SIPA1L1: variants seen among roughly 807,000 people sequenced by gnomAD.
SIPA1L1 encodes signal-induced proliferation-associated 1-like protein 1.
A neutral mutation model predicts 162.7 loss-of-function variants in SIPA1L1; 26 were observed. The observed-to-expected ratio is 0.16, with a 90% CI of 0.12 to 0.22. The LOEUF (loss-of-function observed/expected upper bound fraction) is 0.22. SIPA1L1 is among the 10% of genes least tolerant of loss of function. The pLI is 1.00. For missense variants in SIPA1L1, 1,874 were observed against 2,241.0 expected, an observed-to-expected ratio of 0.84 and a Z score of 3.31; for synonymous variants, 829 against 837.4, an observed-to-expected ratio of 0.99 and a Z score of 0.17.
intron 2 of SIPA1L1, among the ~76,000 whole-genome samples, chr14:71,385,498 C>G (rs986606604): frequency 1.3e-5 from 2 of 152,110 alleles, no homozygotes; most frequent in Non-Finnish European, 2.9e-5. Context: ...TTGAATAGCT[C>G]TATCCAATAG....
intron 2 of SIPA1L1, among the ~76,000 whole-genome samples, chr14:71,366,682 C>A (rs1418289167): frequency 6.6e-6 from 1 of 151,924 alleles, no homozygotes; most frequent in South Asian, 2.1e-4. Context: ...GTGATCCACC[C>A]GCCTCGGCCT....
chr14:71,637,692 C>G (rs751918970), intron 7 of SIPA1L1, among the ~76,000 whole-genome samples: 4 of 151,696 alleles, frequency 2.6e-5, no homozygotes, highest in African/African-American at 4.8e-5. Context: ...CCACTGTACT[C>G]CAGCCTGGTT....
At chr14:71,647,973 T>G (rs2042314627) in intron 7 of SIPA1L1, among the ~76,000 whole-genome samples, 1 of 151,970 alleles carries the variant, frequency 6.6e-6, no homozygotes, top group Non-Finnish European at 1.5e-5. Context: ...AAGGTAGCAG[T>G]AGGTCAGATT....
intron 2 of SIPA1L1, among the ~76,000 whole-genome samples, chr14:71,385,970 G>C (rs2040288915): frequency 6.6e-6 from 1 of 152,172 alleles, no homozygotes; most frequent in East Asian, 1.9e-4. Flanking sequence ...ACAAGCGTGT[G>C]CCATCGCACC....
At chr14:71,615,513 A>G (rs1028082930) in intron 5 of SIPA1L1, among the ~76,000 whole-genome samples, 1 of 152,208 alleles carries the variant, frequency 6.6e-6, no homozygotes, top group Non-Finnish European at 1.5e-5. Context: ...GTCGGATGAG[A>G]AAAGATGGAT....
At chr14:71,512,370 C>T (rs1036885356) in intron 2 of SIPA1L1, among the ~76,000 whole-genome samples, 1 of 151,910 alleles carries the variant, frequency 6.6e-6, no homozygotes, top group East Asian at 1.9e-4. Context: ...TGTTCTTTCA[C>T]GAGGTCAGGA....
At position 71,572,540 on chromosome 14, in the gene SIPA1L1, A is replaced by G. The variant is rs932770758; in HGVS notation, c.-302-15031A>G. On this transcript the variant is annotated intron_variant, in intron 4 of 23. Transcript: ENST00000381232. The stretch of plus-strand genomic sequence containing the variant: ...GGGAGACGTGGGATCCATCCAGGAG[A>G]GAAAGAAAGGAACTGTCAGGATGGT... 7.2e-5 allele frequency among the ~76,000 whole-genome samples: 11 copies of G among 152,184 alleles called. No individual in the cohort carries two copies. The East Asian group carries it at 1.9e-3, about 27-fold the overall frequency.
At chr14:71,562,934 C>T (rs571530456) in intron 4 of SIPA1L1, among the ~76,000 whole-genome samples, 1 of 152,154 alleles carries the variant, frequency 6.6e-6, no homozygotes, top group Admixed American at 6.5e-5. Context: ...GGATTACAGG[C>T]GTGGCCCCCT....
At chr14:71,489,722 A>G (rs966315477) in intron 2 of SIPA1L1, among the ~76,000 whole-genome samples, 2 of 151,964 alleles carry the variant, frequency 1.3e-5, no homozygotes, top group African/African-American at 4.8e-5. Flanking sequence ...AAAGAAAAAA[A>G]GAAAAATTGC....
intron 6 of SIPA1L1, among the ~76,000 whole-genome samples, chr14:71,620,620 C>T (rs2039331470): frequency 6.6e-6 from 1 of 152,090 alleles, no homozygotes; most frequent in African/African-American, 2.4e-5. Context: ...CATGAGCTTC[C>T]CTTCTCAGCA....
At chr14:71,707,999 A>T in intron 16 of SIPA1L1, among the ~76,000 whole-genome samples, 1 of 136,998 alleles carries the variant, frequency 7.3e-6, no homozygotes, top group African/African-American at 2.7e-5. Flanking sequence ...TGCTTGTTGG[A>T]CATTTGTTTT....
chr14:71,672,849 A>G (rs1038318320), intron 12 of SIPA1L1, among the ~76,000 whole-genome samples: 21 of 152,220 alleles, frequency 1.4e-4, no homozygotes, highest in Non-Finnish European at 3.1e-4. Flanking sequence ...CAGGATTTAC[A>G]TCACTGGATT....
chr14:71,736,661 T>A (rs1301508325), intron 22 of SIPA1L1, among the ~76,000 whole-genome samples: 3 of 152,158 alleles, frequency 2.0e-5, no homozygotes, highest in Non-Finnish European at 4.4e-5. Flanking sequence ...GCAATCAGGC[T>A]GACTGCTGAG....
intron 2 of SIPA1L1, among the ~76,000 whole-genome samples, chr14:71,447,375 G>A (rs1440482114): frequency 3.3e-5 from 5 of 152,068 alleles, no homozygotes; most frequent in Admixed American, 1.3e-4. Context: ...CAAGCCTATG[G>A]TGCTATGGTG....
intron 4 of SIPA1L1, among the ~76,000 whole-genome samples, chr14:71,543,584 C>T (rs2054669383): frequency 6.6e-6 from 1 of 151,910 alleles, no homozygotes; most frequent in Non-Finnish European, 1.5e-5. Context: ...ACTTTTAGCT[C>T]TTCTGCTGGG....
chr14:71,528,488 C>G (rs1047919152), intron 3 of SIPA1L1, among the ~76,000 whole-genome samples: 1 of 151,834 alleles, frequency 6.6e-6, no homozygotes, highest in African/African-American at 2.4e-5. Flanking sequence ...AACCTTGTCT[C>G]TACTAAAAAT....
intron 2 of SIPA1L1, among the ~76,000 whole-genome samples, chr14:71,432,396 C>G (rs941253946): frequency 1.3e-5 from 2 of 152,128 alleles, no homozygotes; most frequent in Non-Finnish European, 2.9e-5. Flanking sequence ...TCTTGTTGGC[C>G]TCTCTGAGCA....
intron 7 of SIPA1L1, among the ~76,000 whole-genome samples, chr14:71,639,489 G>A (rs1034638703): frequency 1.3e-5 from 2 of 152,156 alleles, no homozygotes; most frequent in Non-Finnish European, 2.9e-5. Context: ...AATCATGTCA[G>A]TGTTCTCCAA....
intron 2 of SIPA1L1, among the ~76,000 whole-genome samples, chr14:71,511,085 TCCC>T (rs1339622478): frequency 6.6e-6 from 1 of 152,212 alleles, no homozygotes; most frequent in Non-Finnish European, 1.5e-5. Context: ...ATGCCTTTGT[TCCC>T]CAGGTGAATT....
Sources: allele counts gnomAD v4.1 joint callset (sites outside exome capture counted in the v4.1 genomes callset), GRCh38; gene constraint gnomAD v4.1.1; transcripts MANE v1.5; gene names NCBI Gene and HGNC (gene_info 2026-07-23, HGNC 2026-07-21).